The following NCKAP5 variants were observed in gnomAD, a reference collection of about 807,000 sequenced individuals.
The protein encoded by NCKAP5 is nck-associated protein 5.
In NCKAP5, 92 loss-of-function variants were observed where a neutral mutation model predicts 167.0. The ratio of observed to expected loss-of-function variants is 0.55; its 90% CI spans 0.47 to 0.66. The LOEUF (loss-of-function observed/expected upper bound fraction) is 0.66. Ranked by LOEUF, NCKAP5 falls within the 30% of genes least tolerant of loss-of-function variation. NCKAP5 has a pLI of 0.00. For synonymous variants in NCKAP5, 891 were observed against 877.4 expected (o/e 1.02, Z -0.27); for missense variants, 2,378 against 2,315.0 (o/e 1.03, Z -0.56).
chr2:133,231,558 T>A (rs2087149039), intron 4 of NCKAP5, among the ~76,000 whole-genome samples: 2 of 152,174 alleles, frequency 1.3e-5, no homozygotes, highest in Admixed American at 1.3e-4. Context: ...ACTCCTGCTA[T>A]CAAAAGGCTT....
rs1294082365 is a variant in NCKAP5 at position 133,511,322 on chromosome 2, C to T, written c.69+6136G>A. ...GTGGGTGGTGCCCTCCTGGCCCAGC[C>T]TCCCCTGCCTCCTCCTAGCTCATCT... On this transcript the variant is annotated intron_variant, in intron 3 of 19. Transcript: ENST00000409261. 3.3e-5 allele frequency among the ~76,000 whole-genome samples: 5 copies of T among 152,316 alleles called. No individual in the cohort carries two copies. In the South Asian group the frequency reaches 8.3e-4, roughly 25 times the overall value.
chr2:133,128,065 G>A (rs2149787504), intron 6 of NCKAP5, among the ~76,000 whole-genome samples: 1 of 152,270 alleles, frequency 6.6e-6, no homozygotes, highest in South Asian at 2.1e-4. Context: ...TGGCCATAAT[G>A]AGGTAAATTA....
At chr2:133,486,587 T>C (rs1174079245) in intron 3 of NCKAP5, among the ~76,000 whole-genome samples, 1 of 152,190 alleles carries the variant, frequency 6.6e-6, no homozygotes, top group African/African-American at 2.4e-5. Context: ...TTACAGATGG[T>C]TTAGCATTCA....
At chr2:133,515,365 C>G (rs1232810452) in intron 3 of NCKAP5, among the ~76,000 whole-genome samples, 3 of 152,172 alleles carry the variant, frequency 2.0e-5, no homozygotes, top group Admixed American at 2.0e-4. Context: ...CCCCCCTACA[C>G]ACTGTGATAG....
chr2:133,644,714 C>T, the NCKAP5 span, among the ~76,000 whole-genome samples: 1 of 152,156 alleles, frequency 6.6e-6, no homozygotes, highest in Non-Finnish European at 1.5e-5. Context: ...GCCAATTACA[C>T]TACAAGCTCC....
At chr2:132,850,527 T>C (rs1354630179) in intron 11 of NCKAP5, among the ~76,000 whole-genome samples, 1 of 151,916 alleles carries the variant, frequency 6.6e-6, no homozygotes, top group African/African-American at 2.4e-5. Flanking sequence ...GGGCCTATTG[T>C]AAAGATGCAG....
chr2:133,656,283 A>C, the NCKAP5 span, among the ~76,000 whole-genome samples: 21 of 152,312 alleles, frequency 1.4e-4, no homozygotes, highest in Non-Finnish European at 2.2e-4. Flanking sequence ...AAAAAAAAAA[A>C]AAAACCATCT....
intron 6 of NCKAP5, among the ~76,000 whole-genome samples, chr2:133,096,617 T>C (rs2149661853): frequency 6.6e-6 from 1 of 152,342 alleles, no homozygotes; most frequent in Admixed American, 6.5e-5. Flanking sequence ...CAGGTAATTA[T>C]TTTAGGAAAG....
At chr2:133,290,506 A>C (rs778796631) in intron 4 of NCKAP5, among the ~76,000 whole-genome samples, 2 of 152,232 alleles carry the variant, frequency 1.3e-5, no homozygotes, top group Non-Finnish European at 2.9e-5. Flanking sequence ...AGAAATGACA[A>C]GCCCTAAAAC....
intron 19 of NCKAP5, among the ~76,000 whole-genome samples, chr2:132,717,886 G>A (rs774017848): frequency 2.6e-5 from 4 of 152,180 alleles, no homozygotes; most frequent in Non-Finnish European, 5.9e-5. Context: ...CATTTTGAGG[G>A]TATGAGGCTG....
chr2:133,530,449 C>A (rs1685273375), intron 2 of NCKAP5, among the ~76,000 whole-genome samples: 1 of 152,096 alleles, frequency 6.6e-6, no homozygotes, highest in African/African-American at 2.4e-5. Flanking sequence ...TCAGGTCCAA[C>A]AAAAAGTACC....
At chr2:133,324,364 T>G (rs943425690) in intron 3 of NCKAP5, among the ~76,000 whole-genome samples, 30 of 152,230 alleles carry the variant, frequency 2.0e-4, no homozygotes, top group African/African-American at 7.2e-4. Flanking sequence ...AAATATTTAC[T>G]TGGAATTACA....
At chr2:133,515,997 C>A (rs1224510394) in intron 3 of NCKAP5, among the ~76,000 whole-genome samples, 1 of 152,154 alleles carries the variant, frequency 6.6e-6, no homozygotes, top group Non-Finnish European at 1.5e-5. Flanking sequence ...AGGGTATTTG[C>A]ATAAAACTTG....
chr2:133,221,271 T>G (rs1288608184), intron 4 of NCKAP5, among the ~76,000 whole-genome samples: 1 of 152,218 alleles, frequency 6.6e-6, no homozygotes, highest in African/African-American at 2.4e-5. Flanking sequence ...TATTGTGATA[T>G]TAAAGAATCC....
intron 11 of NCKAP5, among the ~76,000 whole-genome samples, chr2:132,841,808 A>C (rs1688314146): frequency 6.6e-6 from 1 of 152,080 alleles, no homozygotes; most frequent in Admixed American, 6.5e-5. Context: ...GTCACACTGT[A>C]TTATGTTGAT....
chr2:133,474,156 A>AT (rs1559511829), intron 3 of NCKAP5, among the ~76,000 whole-genome samples: 1 of 65,804 alleles, frequency 1.5e-5, no homozygotes, highest in African/African-American at 1.4e-4. Flanking sequence ...ATCTATCTAT[A>AT]CACACACACA....
chr2:132,855,047 TA>T (rs1162376139), intron 11 of NCKAP5, among the ~76,000 whole-genome samples: 4 of 152,154 alleles, frequency 2.6e-5, no homozygotes, highest in Non-Finnish European at 5.9e-5. Context: ...CATCTTGCCA[TA>T]ACCCTGATGA....
Position 133,023,732 on chromosome 2 carries a change from G to T in NCKAP5, c.342-29493C>A, listed in dbSNP as rs528446209. 2.0e-5 allele frequency among the ~76,000 whole-genome samples: 3 copies of T among 152,278 alleles called. No individual in the cohort carries two copies. The East Asian group carries it at 5.8e-4, about 29-fold the overall frequency. ...TTCTGTTCCTGCCTTAATTTGCTTA[G>T]GATAATGACCTCCAGCTGCATCCAC... On this transcript the variant is annotated intron_variant, in intron 6 of 19. Transcript: ENST00000409261.
In NCKAP5 at chr2:132,783,160, G is replaced by T; in HGVS notation, c.3651C>A (p.Gly1217=). The T allele has an allele frequency of 1.9e-6, 3 of 1,613,750 alleles. No homozygotes were observed. Among genetic ancestry groups the T allele is most frequent in the Non-Finnish European group, 2.5e-6 (3 of 1,179,816 alleles). The part of the protein sequence containing the change: ...NVTLPDSQAQ[G]SLADGLPLET... Reference sequence around the variant, plus strand: ...CCAGGGGAAGCCCATCAGCTAAACTGCCCTGTGCTTGTGAATCCGGTAGGG... The same window carrying T: ...CCAGGGGAAGCCCATCAGCTAAACTTCCCTGTGCTTGTGAATCCGGTAGGG... The change falls in exon 14 of 20, where the codon GGC becomes GGA. Residue 1217 remains glycine (G), a synonymous_variant. Transcript: ENST00000409261.
Sources: allele counts gnomAD v4.1 joint callset (sites outside exome capture counted in the v4.1 genomes callset), GRCh38; gene constraint gnomAD v4.1.1; transcripts MANE v1.5; gene names NCBI Gene and HGNC (gene_info 2026-07-23, HGNC 2026-07-21).